Variants in CDH23 observed in about 807,000 individuals in gnomAD.
The protein encoded by CDH23 is cadherin-23.
In CDH23, 189 loss-of-function variants were observed where a neutral mutation model predicts 317.1. The ratio of observed to expected loss-of-function variants is 0.60; its 90% confidence interval spans 0.53 to 0.67. CDH23 has a LOEUF of 0.67. CDH23 is among the 30% of genes least tolerant of loss of function. The pLI is 0.00. For synonymous variants in CDH23, 1,839 were observed against 1,876.8 expected (o/e 0.98, Z 0.52); for missense variants, 4,401 against 4,592.4 (o/e 0.96, Z 1.20).
At chr10:71,760,956 G>C in intron 38 of CDH23, 1 of 1,610,178 alleles carries the variant, frequency 6.2e-7, no homozygotes, top group Non-Finnish European at 8.5e-7. Flanking sequence ...CCATTAGGTG[G>C]GTGTCAGGCC....
At chr10:71,416,994 T>A (rs1007800773) in intron 1 of CDH23, among the ~76,000 whole-genome samples, 22 of 151,238 alleles carry the variant, frequency 1.5e-4, no homozygotes, top group Non-Finnish European at 3.2e-4. Flanking sequence ...CTCCTTTAAA[T>A]TTTTTTTCTT....
chr10:71,738,032 C>T (rs1197714658), intron 34 of CDH23, among the ~76,000 whole-genome samples: 1 of 152,200 alleles, frequency 6.6e-6, no homozygotes, highest in Non-Finnish European at 1.5e-5. Flanking sequence ...TATCTGGCCA[C>T]CAGATGTGTT....
chr10:71,523,485 T>C (rs1854820018), intron 6 of CDH23, among the ~76,000 whole-genome samples: 1 of 152,136 alleles, frequency 6.6e-6, no homozygotes. Context: ...ATAGCAGCTA[T>C]TGGGGCGGAA....
At chr10:71,624,664 C>T (rs1861625950) in intron 11 of CDH23, among the ~76,000 whole-genome samples, 2 of 152,076 alleles carry the variant, frequency 1.3e-5, no homozygotes, top group African/African-American at 4.8e-5. Context: ...TGCACGGCTG[C>T]ACTCCAGCCT....
intron 9 of CDH23, among the ~76,000 whole-genome samples, chr10:71,608,168 G>A (rs776759637): frequency 2.0e-5 from 3 of 152,292 alleles, no homozygotes; most frequent in South Asian, 2.1e-4. Context: ...CACATCCTGC[G>A]AGTTCATGCT....
chr10:71,672,689 G>T (rs750271796), intron 14 of CDH23, among the ~76,000 whole-genome samples: 2 of 152,150 alleles, frequency 1.3e-5, no homozygotes, highest in Admixed American at 6.5e-5. Flanking sequence ...AGGGGTTGGG[G>T]GTGTGAAGCC....
intron 66 of CDH23, 157 bp downstream of exon 66, chr10:71,812,172 T>G (rs1359849246): frequency 1.3e-6 from 2 of 1,584,242 alleles, no homozygotes; most frequent in East Asian, 4.6e-5. Flanking sequence ...CCCTCCACCC[T>G]CAGAAACCAC....
intron 3 of CDH23, among the ~76,000 whole-genome samples, chr10:71,483,421 C>T (rs1852176188): frequency 6.6e-6 from 1 of 152,200 alleles, no homozygotes; most frequent in Admixed American, 6.5e-5. Flanking sequence ...ACCAGTGTGG[C>T]TATTCTGGTG....
chr10:71,713,111 C>T lies in CDH23; in HGVS notation c.3369+298C>T, dbSNP rs2394838. On this transcript the variant is annotated intron_variant, in intron 28 of 69. Coordinates refer to ENST00000224721, the MANE Select transcript of CDH23 (RefSeq NM_022124.6). ...CACCCAGAAGGGCCTTTCAGAGTAG[C>T]GGGGAGAAAGAGACGTCACAATTTC... 9 of 771,802 alleles carry T rather than the reference C, an allele frequency of 1.2e-5. No individual in the cohort carries two copies. The East Asian group carries it at 1.7e-4, about 15-fold the overall frequency. The allele number at this position is 771,802 out of a possible 1,614,324, so 47.8% of individuals were successfully genotyped here.
chr10:71,480,173 C>T (rs1851995154), intron 3 of CDH23, among the ~76,000 whole-genome samples: 1 of 152,200 alleles, frequency 6.6e-6, no homozygotes, highest in South Asian at 2.1e-4. Context: ...TAGTGCATGG[C>T]CCCCCTGAAG....
chr10:71,756,108 T>C (rs558252815), intron 38 of CDH23, among the ~76,000 whole-genome samples: 2 of 152,248 alleles, frequency 1.3e-5, no homozygotes, highest in South Asian at 4.1e-4. Flanking sequence ...TAGAAAAACG[T>C]GAATCCTTGT....
In CDH23 at chr10:71,751,247, G is replaced by T. The variant is rs1194998870; in HGVS notation, c.4845+9326G>T. On this transcript the variant is annotated intron_variant, in intron 38 of 69. Coordinates refer to ENST00000224721, the MANE Select transcript of CDH23 (RefSeq NM_022124.6). This position sits in a 1 kb window ranked among gnomAD's most constrained non-coding sequence, Gnocchi z 4.9. ...AGCCACAACAGCCCACTGTCCCCCA[G>T]CTGGGCTAGATGACCTCAAAGTTTG... 4 of 1,607,708 alleles carry T rather than the reference G, an allele frequency of 2.5e-6. No individual in the cohort carries two copies. Among genetic ancestry groups the T allele is most frequent in the Admixed American group, 1.7e-5 (1 of 59,352 alleles).
intron 1 of CDH23, among the ~76,000 whole-genome samples, chr10:71,408,419 A>G (rs1848208331): frequency 6.6e-6 from 1 of 152,190 alleles, no homozygotes; most frequent in Non-Finnish European, 1.5e-5. Context: ...CTTAGGAAAT[A>G]TCAGCATCTC....
rs541262375 is a variant in CDH23 at position 71,425,934 on chromosome 10, G to A, written c.-5-13893G>A. 3.3e-5 allele frequency among the ~76,000 whole-genome samples: 5 copies of A among 152,362 alleles called. No individual in the cohort carries two copies. The East Asian group carries it at 9.6e-4, about 29-fold the overall frequency. ...TTCTCAGCATTGAGATTCCTTTTGG[G>A]AAGGTTTTGGGGTGCAAGGGATGAG... is the stretch of plus-strand genomic sequence containing the variant. On this transcript the variant is annotated intron_variant, in intron 1 of 69. Coordinates refer to ENST00000224721, the MANE Select transcript of CDH23 (RefSeq NM_022124.6).
chr10:71,404,347 A>G (rs1847998875), intron 1 of CDH23, among the ~76,000 whole-genome samples: 1 of 152,122 alleles, frequency 6.6e-6, no homozygotes, highest in Non-Finnish European at 1.5e-5. Flanking sequence ...TTTTGCCTGC[A>G]GCTGCCTTTT....
chr10:71,610,129 G>A (rs1196565793), intron 9 of CDH23, among the ~76,000 whole-genome samples: 1 of 152,192 alleles, frequency 6.6e-6, no homozygotes, highest in South Asian at 2.1e-4. Context: ...TCAGCCTCCC[G>A]AGTAGCTGGA....
rs7901387 is a variant in CDH23 at position 71,481,887 on chromosome 10, G to A, written c.146-28195G>A. ...TGCCTACATGGGTGACTGAGCCCCTGCCAGCCCACAGCAGCGGGCTTGTGT... is the reference window on the plus strand; with the variant it reads ...TGCCTACATGGGTGACTGAGCCCCTACCAGCCCACAGCAGCGGGCTTGTGT... On this transcript the variant is annotated intron_variant, in intron 3 of 69. Coordinates refer to ENST00000224721, the MANE Select transcript of CDH23 (RefSeq NM_022124.6). Among the ~76,000 whole-genome samples the A allele has an allele frequency of 9.8e-4, 149 of 152,304 alleles. 1 individual carries two copies. The highest frequency in any genetic ancestry group is 3.5e-3 in the African/African-American group (147 of 41,564).
At chr10:71,565,901 T>C (rs1857370832) in intron 6 of CDH23, among the ~76,000 whole-genome samples, 1 of 152,184 alleles carries the variant, frequency 6.6e-6, no homozygotes, top group African/African-American at 2.4e-5. Context: ...GACTTGATTC[T>C]GTTTTGGAGG....
chr10:71,795,196 G>T (rs1841366031), intron 48 of CDH23, among the ~76,000 whole-genome samples: 1 of 152,174 alleles, frequency 6.6e-6, no homozygotes, highest in South Asian at 2.1e-4. Flanking sequence ...GGGAAGGAGA[G>T]ATGAGTATGG....
Sources: gnomAD v4.1 joint callset for allele counts (sites outside exome capture counted in the v4.1 genomes callset) on GRCh38, gnomAD v4.1.1 for gene constraint, Gnocchi (gnomAD v3.1) non-coding constraint, MANE v1.5 for transcripts, NCBI Gene and HGNC (gene_info 2026-07-23, HGNC 2026-07-21) for gene names.